BICC1: variants seen among roughly 807,000 people sequenced by gnomAD.
BICC1 encodes protein bicaudal C homolog 1.
BICC1 carries 43 observed loss-of-function variants against 111.0 expected under a neutral mutation model. The ratio of observed to expected loss-of-function variants is 0.39; its 90% confidence interval spans 0.30 to 0.50. The LOEUF (loss-of-function observed/expected upper bound fraction) is 0.50. Among genes scored for constraint, BICC1 ranks in the 20% least tolerant of loss-of-function variants. The probability of loss-of-function intolerance (pLI) is 0.88; values close to 1 mark genes in which losing one functional copy is unlikely to be tolerated. For missense variants in BICC1, 1,091 were observed against 1,203.2 expected, an observed-to-expected ratio of 0.91 and a Z score of 1.38; for synonymous variants, 467 against 434.4, an observed-to-expected ratio of 1.07 and a Z score of -0.93.
At chr10:58,784,488 T>A (rs1243094459) in intron 3 of BICC1, among the ~76,000 whole-genome samples, 1 of 152,186 alleles carries the variant, frequency 6.6e-6, no homozygotes, top group African/African-American at 2.4e-5. Context: ...AAAGTGTGGA[T>A]CCAGAGTTGG....
intron 2 of BICC1, among the ~76,000 whole-genome samples, chr10:58,642,908 T>G (rs982139187): frequency 1.3e-5 from 2 of 152,084 alleles, no homozygotes; most frequent in Non-Finnish European, 2.9e-5. Context: ...GGGTCTTTGT[T>G]GCCCAGGCCA....
intron 4 of BICC1, 44 bp downstream of exon 4, chr10:58,785,124 T>TAGAG: frequency 1.2e-5 from 14 of 1,124,328 alleles, no homozygotes; most frequent in African/African-American, 1.6e-5. Flanking sequence ...ACCTTGTCTC[T>TAGAG]ACAAGGGCTA....
chr10:58,640,014 T>A (rs1281459512), intron 2 of BICC1, among the ~76,000 whole-genome samples: 1 of 152,164 alleles, frequency 6.6e-6, no homozygotes, highest in Admixed American at 6.5e-5. Context: ...GAGTTTATGA[T>A]TTTCCCTGAG....
chr10:58,597,290 G>T (rs1219627040), intron 1 of BICC1, among the ~76,000 whole-genome samples: 2 of 152,072 alleles, frequency 1.3e-5, no homozygotes, highest in African/African-American at 2.4e-5. Context: ...GGGAGGGGGT[G>T]TAAGAACAGG....
chr10:58,785,566 T>C (rs1355644328), intron 4 of BICC1, among the ~76,000 whole-genome samples: 1 of 152,114 alleles, frequency 6.6e-6, no homozygotes, highest in Non-Finnish European at 1.5e-5. Flanking sequence ...TGTCTCTCTC[T>C]CTCTCTCTCT....
intron 3 of BICC1, among the ~76,000 whole-genome samples, chr10:58,723,218 A>G (rs1392993013): frequency 6.6e-6 from 1 of 152,214 alleles, no homozygotes. Context: ...GAGTGAGACA[A>G]ATAAAAATTA....
At chr10:58,532,697 AG>A (rs918972135) in intron 1 of BICC1, among the ~76,000 whole-genome samples, 16 of 151,864 alleles carry the variant, frequency 1.1e-4, no homozygotes, top group African/African-American at 3.9e-4. Flanking sequence ...CAAACACCAT[AG>A]GCATCTCAGT....
intron 15 of BICC1, 23 bp from the exon 16 acceptor site, chr10:58,806,561 G>A (rs1402123239): frequency 6.2e-7 from 1 of 1,608,998 alleles, no homozygotes; most frequent in Non-Finnish European, 8.5e-7. Flanking sequence ...TGTCAATAAA[G>A]GTATTTTCTG....
At chr10:58,563,865 A>T (rs1162420989) in intron 1 of BICC1, among the ~76,000 whole-genome samples, 1 of 151,732 alleles carries the variant, frequency 6.6e-6, no homozygotes, top group East Asian at 1.9e-4. Context: ...AGTTTTTCTA[A>T]TGTTTGCCGT....
intron 20 of BICC1, among the ~76,000 whole-genome samples, chr10:58,821,669 G>T (rs1844254588): frequency 6.6e-6 from 1 of 152,074 alleles, no homozygotes; most frequent in African/African-American, 2.4e-5. Context: ...TTTCTTCTCG[G>T]ATATACTGTG....
intron 20 of BICC1, among the ~76,000 whole-genome samples, chr10:58,821,667 C>T (rs920135695): frequency 7.9e-5 from 12 of 152,050 alleles, no homozygotes; most frequent in Admixed American, 2.0e-4. Flanking sequence ...AATTTCTTCT[C>T]GGATATACTG....
At chr10:58,766,689 T>G (rs1339704780) in intron 3 of BICC1, among the ~76,000 whole-genome samples, 1 of 151,828 alleles carries the variant, frequency 6.6e-6, no homozygotes, top group African/African-American at 2.4e-5. Flanking sequence ...AGCAAAAAAT[T>G]TAAGGAGAGA....
intron 3 of BICC1, among the ~76,000 whole-genome samples, chr10:58,740,426 A>G (rs1027646487): frequency 6.6e-6 from 1 of 152,188 alleles, no homozygotes; most frequent in Non-Finnish European, 1.5e-5. Flanking sequence ...ACCATCAGGT[A>G]TTTCAAAATG....
At chr10:58,697,552 T>G (rs1840099741) in intron 2 of BICC1, among the ~76,000 whole-genome samples, 1 of 152,220 alleles carries the variant, frequency 6.6e-6, no homozygotes, top group Non-Finnish European at 1.5e-5. Flanking sequence ...AGCGGTTTTG[T>G]AGCTTCTTTG....
chr10:58,536,795 C>T (rs1037127903), intron 1 of BICC1, among the ~76,000 whole-genome samples: 7 of 151,594 alleles, frequency 4.6e-5, no homozygotes, highest in Non-Finnish European at 1.0e-4. Flanking sequence ...AAAACTGATA[C>T]ACTACTAGCT....
At chr10:58,826,186 G>A (rs1429390938) in intron 20 of BICC1, among the ~76,000 whole-genome samples, 2 of 152,146 alleles carry the variant, frequency 1.3e-5, no homozygotes, top group Non-Finnish European at 2.9e-5. Context: ...GTCATTATAT[G>A]ACAACTTAAA....
intron 2 of BICC1, among the ~76,000 whole-genome samples, chr10:58,673,098 C>T (rs1039590364): frequency 6.6e-6 from 1 of 152,148 alleles, no homozygotes; most frequent in Non-Finnish European, 1.5e-5. Context: ...CTTAAGCCTC[C>T]AGAGTAGCTT....
chr10:58,770,124 A>G (rs1379831555), intron 3 of BICC1, among the ~76,000 whole-genome samples: 1 of 152,110 alleles, frequency 6.6e-6, no homozygotes, highest in Non-Finnish European at 1.5e-5. Flanking sequence ...AGTGTTGCAT[A>G]AAACTCCTTT....
At chr10:58,593,043 G>A (rs1400279940) in intron 1 of BICC1, among the ~76,000 whole-genome samples, 1 of 152,098 alleles carries the variant, frequency 6.6e-6, no homozygotes, top group Non-Finnish European at 1.5e-5. Context: ...CGAGCTTGGT[G>A]TGGGGAGGGG....
Sources: gnomAD v4.1 joint callset for allele counts (sites outside exome capture counted in the v4.1 genomes callset) on GRCh38, gnomAD v4.1.1 for gene constraint, MANE v1.5 for transcripts, NCBI Gene and HGNC (gene_info 2026-07-23, HGNC 2026-07-21) for gene names.